UNC5D: variants seen among roughly 807,000 people sequenced by gnomAD.
UNC5D encodes the protein netrin receptor UNC5D.
A neutral mutation model predicts 105.4 loss-of-function variants in UNC5D; 39 were observed. The observed-to-expected ratio is 0.37, with a 90% CI of 0.29 to 0.48. The LOEUF (loss-of-function observed/expected upper bound fraction) is 0.48. Ranked by LOEUF, UNC5D falls within the 20% of genes least tolerant of loss-of-function variation. The pLI is 0.98. For synonymous variants in UNC5D, 452 were observed against 450.4 expected, an observed-to-expected ratio of 1.00 and a Z score of -0.04; for missense variants, 991 against 1,202.4, an observed-to-expected ratio of 0.82 and a Z score of 2.60.
chr8:35,431,937 TTTC>T (rs1473407679), intron 1 of UNC5D, among the ~76,000 whole-genome samples: 1 of 152,154 alleles, frequency 6.6e-6, no homozygotes, highest in Non-Finnish European at 1.5e-5. Context: ...ACTAAACAAT[TTTC>T]TTCATAAGTT....
intron 4 of UNC5D, among the ~76,000 whole-genome samples, chr8:35,642,355 A>G (rs975732494): frequency 2.6e-5 from 4 of 152,030 alleles, no homozygotes; most frequent in African/African-American, 4.8e-5. Context: ...TTCTTTGCCC[A>G]TATTTTACTT....
intron 1 of UNC5D, among the ~76,000 whole-genome samples, chr8:35,534,968 C>A (rs932741344): frequency 2.0e-5 from 3 of 152,050 alleles, no homozygotes; most frequent in Non-Finnish European, 2.9e-5. Flanking sequence ...TGTCTCATTC[C>A]TCTTAGGGCA....
chr8:35,375,364 A>G lies in UNC5D; in HGVS notation c.103+139477A>G, dbSNP rs537982842. 3.3e-5 allele frequency among the ~76,000 whole-genome samples: 5 copies of G among 152,324 alleles called. No individual in the cohort carries two copies. The East Asian group carries it at 9.6e-4, about 29-fold the overall frequency. ...ACACGTTGATCTTTGCTATACTTAC[A>G]GGTGCTGGGGAAGGAGAGAGAAGAA... On this transcript the variant is annotated intron_variant, in intron 1 of 16. Transcript: ENST00000404895.
chr8:35,723,256 C>G (rs1359936687), intron 9 of UNC5D, among the ~76,000 whole-genome samples: 2 of 152,124 alleles, frequency 1.3e-5, no homozygotes, highest in Non-Finnish European at 2.9e-5. Flanking sequence ...GAAGTGGAAA[C>G]ACAGGCATGC....
intron 9 of UNC5D, chr8:35,724,201 A>G (rs1341757011): frequency 2.0e-6 from 3 of 1,509,264 alleles, no homozygotes; most frequent in Admixed American, 2.1e-5. Context: ...CTAAGACAAT[A>G]TTAGTCTTAC....
At chr8:35,462,240 GTTAA>G (rs1323379118) in intron 1 of UNC5D, among the ~76,000 whole-genome samples, 1 of 151,796 alleles carries the variant, frequency 6.6e-6, no homozygotes, top group Admixed American at 6.6e-5. Context: ...TAACAACCTA[GTTAA>G]TTAAATTGCT....
At chr8:35,303,413 A>G (rs1339543673) in intron 1 of UNC5D, among the ~76,000 whole-genome samples, 2 of 152,162 alleles carry the variant, frequency 1.3e-5, no homozygotes, top group Non-Finnish European at 2.9e-5. Context: ...TCAGTAGAAT[A>G]CATGGCTAAT....
chr8:35,690,472 T>A (rs1826315336), intron 7 of UNC5D, among the ~76,000 whole-genome samples: 1 of 151,770 alleles, frequency 6.6e-6, no homozygotes, highest in Admixed American at 6.6e-5. Flanking sequence ...CTACAAAAAA[T>A]AAAAATTAAA....
At chr8:35,273,217 C>A (rs1013412360) in intron 1 of UNC5D, among the ~76,000 whole-genome samples, 3 of 152,096 alleles carry the variant, frequency 2.0e-5, no homozygotes, top group Non-Finnish European at 2.9e-5. Context: ...TTTGGAGTCC[C>A]CAGACACAAC....
intron 1 of UNC5D, among the ~76,000 whole-genome samples, chr8:35,498,079 CAAAACAAAAAA>C (rs1811719832): frequency 5.0e-5 from 3 of 59,424 alleles, no homozygotes; most frequent in African/African-American, 1.3e-4. Flanking sequence ...CAAAACAAAA[CAAAACAAAAAA>C]AAAAAAAAAA....
At position 35,792,644 on chromosome 8, in the gene UNC5D, G is replaced by A. The variant is rs1803094093; in HGVS notation, c.*2081G>A. The A allele has an allele frequency of 6.1e-6, 1 of 164,044 alleles. No homozygotes were observed. Among genetic ancestry groups the A allele is most frequent in the Non-Finnish European group, 1.3e-5 (1 of 76,154 alleles). 10.2% of individuals were successfully genotyped at this position (164,044 alleles called of 1,614,324 possible). The stretch of plus-strand genomic sequence containing the variant: ...ACCAGTCACTAGTTGGTTGGCATGA[G>A]GTGGTGTGCAGAGGAAAGCTGCATT... On this transcript the variant is annotated 3_prime_UTR_variant, in exon 17 of 17. Transcript: ENST00000404895.
chr8:35,354,751 G>T (rs1801453230), intron 1 of UNC5D, among the ~76,000 whole-genome samples: 1 of 152,232 alleles, frequency 6.6e-6, no homozygotes, highest in Non-Finnish European at 1.5e-5. Flanking sequence ...TTTTATGTAG[G>T]TCAGGATTTT....
At chr8:35,776,889 A>T (rs937244584) in intron 16 of UNC5D, among the ~76,000 whole-genome samples, 1 of 152,174 alleles carries the variant, frequency 6.6e-6, no homozygotes, top group African/African-American at 2.4e-5. Flanking sequence ...TGGAAGTGTC[A>T]CTTGAGGCCA....
intron 4 of UNC5D, among the ~76,000 whole-genome samples, chr8:35,598,642 T>G (rs1042628153): frequency 2.0e-5 from 3 of 152,202 alleles, no homozygotes; most frequent in Non-Finnish European, 4.4e-5. Flanking sequence ...ATGGGTAAGA[T>G]AGGGCATCAA....
chr8:35,529,395 T>A (rs1435630831), intron 1 of UNC5D, among the ~76,000 whole-genome samples: 1 of 147,712 alleles, frequency 6.8e-6, no homozygotes, highest in Non-Finnish European at 1.5e-5. Flanking sequence ...TCTGTTCTGT[T>A]CCATTGATCT....
At chr8:35,429,221 GGT>G (rs1806459970) in intron 1 of UNC5D, among the ~76,000 whole-genome samples, 1 of 152,058 alleles carries the variant, frequency 6.6e-6, no homozygotes, top group Non-Finnish European at 1.5e-5. Context: ...GAATCCTGTG[GGT>G]TAGTCTTTTT....
At chr8:35,699,156 C>A (rs1827001329) in intron 7 of UNC5D, among the ~76,000 whole-genome samples, 1 of 152,126 alleles carries the variant, frequency 6.6e-6, no homozygotes, top group African/African-American at 2.4e-5. Flanking sequence ...GGATAGACAT[C>A]ACAATGAAGT....
intron 4 of UNC5D, among the ~76,000 whole-genome samples, chr8:35,611,474 T>G (rs536691078): frequency 6.6e-6 from 1 of 152,328 alleles, no homozygotes; most frequent in East Asian, 1.9e-4. Context: ...ATTAAAACAC[T>G]TTATGAAAAT....
intron 4 of UNC5D, among the ~76,000 whole-genome samples, chr8:35,601,717 T>C (rs556755171): frequency 3.0e-3 from 460 of 152,350 alleles, no homozygotes; most frequent in Non-Finnish European, 3.8e-3. Flanking sequence ...GATGGGATTT[T>C]CTAAATATAC....
Sources: allele counts gnomAD v4.1 joint callset (sites outside exome capture counted in the v4.1 genomes callset), GRCh38; gene constraint gnomAD v4.1.1; transcripts MANE v1.5; gene names NCBI Gene and HGNC (gene_info 2026-07-23, HGNC 2026-07-21).